The following GON4L variants were observed in gnomAD, a reference collection of about 807,000 sequenced individuals.
The protein encoded by GON4L is gon-4 like, also known as GON-4-like protein.
In GON4L, 87 loss-of-function variants were observed where a neutral mutation model predicts 211.8. That is an observed-to-expected ratio of 0.41 (90% CI 0.35 to 0.49). The LOEUF (loss-of-function observed/expected upper bound fraction) is 0.49. Among genes scored for constraint, GON4L ranks in the 20% least tolerant of loss-of-function variants. The probability of loss-of-function intolerance (pLI) is 0.15; values close to 1 mark genes in which losing one functional copy is unlikely to be tolerated. For missense variants in GON4L, 2,155 were observed against 2,659.5 expected, an observed-to-expected ratio of 0.81 and a Z score of 4.17; for synonymous variants, 875 against 962.6, an observed-to-expected ratio of 0.91 and a Z score of 1.68.
In GON4L at chr1:155,766,244, G is replaced by T; in HGVS notation, c.3229C>A (p.Pro1077Thr). 6.2e-7 allele frequency: 1 copy of T among 1,614,100 alleles called. No homozygotes were observed. Among genetic ancestry groups the T allele is most frequent in the South Asian group, 1.1e-5 (1 of 91,080 alleles). Residue 1077 changes from proline (P) to threonine (T), a missense_variant, in exon 21 of 32, where the codon CCT becomes ACT. Around this residue, in one of 6 missense-constraint regions of GON4L, gnomAD observed 615 missense variants for 625.7 expected, o/e 0.98. Transcript: ENST00000368331. The part of the protein sequence containing the change: ...ESPAALPAVP[P>T]EARTSFPLSE... ...AGAGGGAAGCTTGTCCTGGCCTCAGGGGGCACAGCAGGCAGTGCTGCAGGA... is the reference window on the plus strand; with the variant it reads ...AGAGGGAAGCTTGTCCTGGCCTCAGTGGGCACAGCAGGCAGTGCTGCAGGA...
At chr1:155,818,018 A>G (rs1281434040) in intron 6 of GON4L, among the ~76,000 whole-genome samples, 1 of 151,882 alleles carries the variant, frequency 6.6e-6, no homozygotes, top group East Asian at 1.9e-4. Flanking sequence ...TGGATGGCCC[A>G]ACTTCTCCAC....
chr1:155,855,610 G>A (rs916684130), intron 1 of GON4L, among the ~76,000 whole-genome samples: 2 of 152,106 alleles, frequency 1.3e-5, no homozygotes, highest in African/African-American at 4.8e-5. Context: ...CTCAATGAAT[G>A]CTCCCTGAAT....
intron 27 of GON4L, among the ~76,000 whole-genome samples, chr1:155,755,729 G>T (rs1661102471): frequency 6.6e-6 from 1 of 152,080 alleles, no homozygotes; most frequent in Non-Finnish European, 1.5e-5. Context: ...CTTTGTTTCT[G>T]TCTCTCTGTG....
At chr1:155,753,840 T>C (rs530173287) in intron 28 of GON4L, among the ~76,000 whole-genome samples, 1 of 151,994 alleles carries the variant, frequency 6.6e-6, no homozygotes, top group Admixed American at 6.5e-5. Flanking sequence ...GCCTCCTGAG[T>C]GCCCTGTTGC....
At position 155,853,318 on chromosome 1, in the gene GON4L, G is replaced by A. The variant is rs1466074248; in HGVS notation, c.463C>T (p.Pro155Ser). ...TCTTCACTAGGCTCTCCTGAAAAAG[G>A]CTCCTTTAGGGTAAGATGATCACAT... is the stretch of plus-strand genomic sequence containing the variant. ...DRCDHLTLKE[P>S]FSGEPSEEVK... Residue 155 changes from proline to serine, a missense_variant, in exon 2 of 32, where the codon CCT (proline) becomes TCT (serine). Transcript: ENST00000368331. 4 of 1,613,900 alleles carry A rather than the reference G, an allele frequency of 2.5e-6. No individual in the cohort carries two copies. The highest frequency in any genetic ancestry group is 3.4e-6 in the Non-Finnish European group (4 of 1,179,896).
At chr1:155,814,283 A>G (rs772557226) in intron 9 of GON4L, 47 bp downstream of exon 9, 3 of 1,540,182 alleles carry the variant, frequency 1.9e-6, no homozygotes, top group Non-Finnish European at 1.8e-6. Context: ...TAAAAAATCT[A>G]CTTAGACAGT....
chr1:155,840,576 C>T (rs1299391168), intron 2 of GON4L, among the ~76,000 whole-genome samples: 1 of 152,176 alleles, frequency 6.6e-6, no homozygotes, highest in Non-Finnish European at 1.5e-5. Flanking sequence ...TAAAAAGTTC[C>T]TTATCGGGTG....
At position 155,765,148 on chromosome 1, in the gene GON4L, A is replaced by C; in HGVS notation, c.4325T>G (p.Val1442Gly). The change falls in exon 21 of 32, where the codon GTG (valine) becomes GGG (glycine). Residue 1442 changes from valine (V) to glycine (G), a missense_variant. Coordinates refer to ENST00000368331, the MANE Select transcript of GON4L (RefSeq NM_001282860.2). Reference sequence around the variant, plus strand: ...AGTTTCTGGCCCAACTGGAGTCCCCACTGACTGACCATCAACACTGGATGA... The same window carrying C: ...AGTTTCTGGCCCAACTGGAGTCCCCCCTGACTGACCATCAACACTGGATGA... ...EDSSSVDGQS[V>G]GTPVGPETGG... The C allele has an allele frequency of 6.2e-7, 1 of 1,613,994 alleles. No individual in the cohort carries two copies. Among genetic ancestry groups the C allele is most frequent in the Non-Finnish European group, 8.5e-7 (1 of 1,179,984 alleles).
chr1:155,785,326 T>C lies in GON4L; in HGVS notation c.1788+8A>G, dbSNP rs371806398. On this transcript the variant is annotated splice_region_variant and intron_variant, in intron 13 of 31. Transcript: ENST00000368331. ...ATCCCGTGTTCTCACTCGAGGATCA[T>C]TACTCACAGTTTCAAACAGCTCTTC... is the stretch of plus-strand genomic sequence containing the variant. 127 of 1,557,698 alleles carry C rather than the reference T, an allele frequency of 8.2e-5. No homozygotes were observed. In the African/African-American group the frequency reaches 1.4e-3, roughly 17 times the overall value.
At chr1:155,757,615 T>C (rs1412396525) in intron 25 of GON4L, among the ~76,000 whole-genome samples, 3 of 147,662 alleles carry the variant, frequency 2.0e-5, no homozygotes, top group South Asian at 2.2e-4. Context: ...CCCTCCCAGG[T>C]CCCAGAACCT....
At chr1:155,751,924 C>T (rs1660639241) in intron 30 of GON4L, 36 bp downstream of exon 30, 1 of 1,612,844 alleles carries the variant, frequency 6.2e-7, no homozygotes. Context: ...GTGGTCTATG[C>T]TCTTTTCCAA....
intron 12 of GON4L, among the ~76,000 whole-genome samples, chr1:155,787,135 CT>C (rs1218208820): frequency 6.6e-6 from 1 of 151,876 alleles, no homozygotes; most frequent in African/African-American, 2.4e-5. Context: ...TGGTCTCGAT[CT>C]CCTGACCTCG....
At chr1:155,833,151 G>C (rs1269089614) in intron 2 of GON4L, among the ~76,000 whole-genome samples, 1 of 152,020 alleles carries the variant, frequency 6.6e-6, no homozygotes, top group East Asian at 1.9e-4. Context: ...TTTAAATCCG[G>C]ATATCTGTGA....
intron 11 of GON4L, among the ~76,000 whole-genome samples, chr1:155,802,086 A>G (rs1258024543): frequency 6.6e-6 from 1 of 152,174 alleles, no homozygotes; most frequent in Non-Finnish European, 1.5e-5. Context: ...TTATCCCCAC[A>G]TTAATGTGGA....
intron 12 of GON4L, among the ~76,000 whole-genome samples, chr1:155,791,119 G>A (rs560878597): frequency 4.0e-5 from 6 of 151,756 alleles, no homozygotes; most frequent in African/African-American, 7.3e-5. Flanking sequence ...AAAAGTAGCC[G>A]GGCATGGTGG....
In GON4L at chr1:155,776,444, G is replaced by A; in HGVS notation, c.2129C>T (p.Thr710Ile). 1 of 1,613,632 alleles carries A rather than the reference G, an allele frequency of 6.2e-7. No homozygotes were observed. Among genetic ancestry groups the A allele is most frequent in the East Asian group, 2.2e-5 (1 of 44,886 alleles). Reference sequence around the variant, plus strand: ...CTCCGGATTGAGGTTGGGGTTGCAGGTGGCAAGAAGGTGGATTTGGGTCAA... The same window carrying A: ...CTCCGGATTGAGGTTGGGGTTGCAGATGGCAAGAAGGTGGATTTGGGTCAA... Reference protein sequence around the residue: ...QLLTQIHLLATCNPNLNPEAT... With the variant: ...QLLTQIHLLAICNPNLNPEAT... Residue 710 changes from threonine to isoleucine, a missense_variant, in exon 16 of 32, where the codon ACC becomes ATC. By Grantham distance (89) the Thr-to-Ile change is moderately conservative. Transcript: ENST00000368331.
chr1:155,791,935 A>G (rs1423115370), intron 12 of GON4L, among the ~76,000 whole-genome samples: 1 of 144,014 alleles, frequency 6.9e-6, no homozygotes, highest in Non-Finnish European at 1.5e-5. Context: ...CACATAACAT[A>G]ACATAACATA....
At chr1:155,816,301 TGAAA>T in intron 6 of GON4L, 39 bp from the exon 7 acceptor site, 1 of 944,172 alleles carries the variant, frequency 1.1e-6, no homozygotes, top group Non-Finnish European at 1.7e-6. Context: ...TTATCTTAAC[TGAAA>T]TAATTGTTTT....
intron 3 of GON4L, among the ~76,000 whole-genome samples, chr1:155,824,963 CA>C (rs1180833824): frequency 6.6e-6 from 1 of 151,664 alleles, no homozygotes; most frequent in African/African-American, 2.4e-5. Flanking sequence ...GCCTGGGCAA[CA>C]TAGTGAAAAC....
Sources: gnomAD v4.1 joint callset for allele counts (sites outside exome capture counted in the v4.1 genomes callset) on GRCh38, gnomAD v4.1.1 for gene constraint, gnomAD v4.1.1 regional missense constraint, MANE v1.5 for transcripts, NCBI Gene and HGNC (gene_info 2026-07-23, HGNC 2026-07-21) for gene names.